SHISA9: variants seen among roughly 807,000 people sequenced by gnomAD.
The protein encoded by SHISA9 is protein shisa-9.
Under a neutral mutation model 38.0 loss-of-function variants are expected in SHISA9, and 13 were observed. The observed-to-expected ratio is 0.34, with a 90% CI of 0.22 to 0.54. The LOEUF (loss-of-function observed/expected upper bound fraction) is 0.54. Among genes scored for constraint, SHISA9 ranks in the 20% least tolerant of loss-of-function variants. SHISA9 has a pLI of 0.91. For synonymous variants in SHISA9, 275 were observed against 242.0 expected, an observed-to-expected ratio of 1.14 and a Z score of -1.27; for missense variants, 538 against 575.8, an observed-to-expected ratio of 0.93 and a Z score of 0.67.
the SHISA9 span, among the ~76,000 whole-genome samples, chr16:13,390,866 C>T: frequency 6.6e-6 from 1 of 152,154 alleles, no homozygotes; most frequent in Admixed American, 6.5e-5. Flanking sequence ...CTTCTCATAT[C>T]TTTCACAAGA....
At position 12,948,909 on chromosome 16, in the gene SHISA9, A is replaced by G. The variant is rs1412210022; in HGVS notation, c.691+32094A>G. Among the ~76,000 whole-genome samples the G allele has an allele frequency of 2.0e-5, 3 of 152,234 alleles. No homozygotes were observed. The East Asian group carries it at 5.8e-4, about 29-fold the overall frequency. The stretch of plus-strand genomic sequence containing the variant: ...TCCCAATAAACCAACATTATGCCAT[A>G]AGCATTTAAATATTATATACCTTTG... On this transcript the variant is annotated intron_variant, in intron 2 of 4. Transcript: ENST00000558583.
At chr16:13,484,867 C>T in the SHISA9 span, among the ~76,000 whole-genome samples, 283 of 152,278 alleles carry the variant, frequency 1.9e-3, no homozygotes, top group African/African-American at 6.4e-3. Context: ...CGTCCACTCC[C>T]ATGATCCAAT....
chr16:13,285,755 T>A, the SHISA9 span, among the ~76,000 whole-genome samples: 13 of 152,130 alleles, frequency 8.5e-5, no homozygotes, highest in Non-Finnish European at 1.5e-4. Context: ...TAATTACTTA[T>A]CCTGCTGACA....
chr16:13,112,526 C>T (rs1421545845), intron 2 of SHISA9, among the ~76,000 whole-genome samples: 1 of 152,130 alleles, frequency 6.6e-6, no homozygotes, highest in Non-Finnish European at 1.5e-5. Flanking sequence ...GGACCCCACG[C>T]CACAGCTACT....
At chr16:13,196,188 G>C (rs1192802298) in intron 2 of SHISA9, among the ~76,000 whole-genome samples, 1 of 150,480 alleles carries the variant, frequency 6.6e-6, no homozygotes, top group Non-Finnish European at 1.5e-5. Context: ...ACGAGGTCAG[G>C]AGATTGAGAC....
the SHISA9 span, among the ~76,000 whole-genome samples, chr16:13,288,497 G>T: frequency 7.9e-5 from 12 of 152,024 alleles, no homozygotes; most frequent in Admixed American, 7.9e-4. Flanking sequence ...CAGAGAGAGA[G>T]ATCAAGATCT....
chr16:13,486,720 T>C, the SHISA9 span, among the ~76,000 whole-genome samples: 1 of 152,222 alleles, frequency 6.6e-6, no homozygotes, highest in Non-Finnish European at 1.5e-5. Context: ...TTTATTTTCT[T>C]TGAGATGGAT....
At chr16:13,459,966 G>A in the SHISA9 span, among the ~76,000 whole-genome samples, 12 of 152,108 alleles carry the variant, frequency 7.9e-5, no homozygotes, top group African/African-American at 2.7e-4. Context: ...AGAGTGCAGT[G>A]GCATGATCTC....
the SHISA9 span, among the ~76,000 whole-genome samples, chr16:13,309,169 A>C: frequency 4.6e-5 from 7 of 152,022 alleles, no homozygotes; most frequent in Non-Finnish European, 1.5e-5. Context: ...CTTAATAAAT[A>C]GTTAATATGC....
chr16:13,387,349 G>C, the SHISA9 span, among the ~76,000 whole-genome samples: 1 of 152,134 alleles, frequency 6.6e-6, no homozygotes, highest in Non-Finnish European at 1.5e-5. Flanking sequence ...ATCAGAAGAG[G>C]GAAATTTGGA....
At chr16:13,414,974 G>A in the SHISA9 span, among the ~76,000 whole-genome samples, 1 of 152,160 alleles carries the variant, frequency 6.6e-6, no homozygotes, top group Non-Finnish European at 1.5e-5. Flanking sequence ...GCAATGTACA[G>A]AAAATGGAAG....
the SHISA9 span, among the ~76,000 whole-genome samples, chr16:13,493,424 G>A: frequency 6.6e-6 from 1 of 152,182 alleles, no homozygotes; most frequent in Non-Finnish European, 1.5e-5. Context: ...TTCCCGTGAA[G>A]AATTCACTCT....
At chr16:13,083,512 G>A (rs2073677249) in intron 2 of SHISA9, among the ~76,000 whole-genome samples, 1 of 152,186 alleles carries the variant, frequency 6.6e-6, no homozygotes, top group Non-Finnish European at 1.5e-5. Flanking sequence ...ATTGTGCAGG[G>A]CAAGGAACTC....
intron 2 of SHISA9, among the ~76,000 whole-genome samples, chr16:13,107,238 C>T (rs2073934463): frequency 6.6e-6 from 1 of 151,896 alleles, no homozygotes; most frequent in African/African-American, 2.4e-5. Flanking sequence ...TCAAGACCAG[C>T]CTGGCCAACA....
intron 4 of SHISA9, among the ~76,000 whole-genome samples, chr16:13,218,583 G>T (rs996205319): frequency 2.6e-5 from 4 of 152,326 alleles, no homozygotes; most frequent in Non-Finnish European, 5.9e-5. Context: ...AGAGTAATTT[G>T]TCAGCCAAAT....
the SHISA9 span, among the ~76,000 whole-genome samples, chr16:13,351,857 A>G: frequency 6.6e-6 from 1 of 152,232 alleles, no homozygotes; most frequent in Admixed American, 6.5e-5. Context: ...AAGAAACATG[A>G]GATCAAACAC....
intron 2 of SHISA9, among the ~76,000 whole-genome samples, chr16:13,025,333 G>A (rs1281694752): frequency 2.0e-5 from 3 of 152,202 alleles, no homozygotes; most frequent in Non-Finnish European, 2.9e-5. Flanking sequence ...CAGACCTGCT[G>A]AATTAGAGAC....
the SHISA9 span, among the ~76,000 whole-genome samples, chr16:13,515,444 T>C: frequency 1.3e-5 from 2 of 152,184 alleles, no homozygotes; most frequent in Non-Finnish European, 2.9e-5. Flanking sequence ...ATTGACATTT[T>C]AAAGCAAAGC....
At chr16:13,216,260 A>T (rs933233584) in intron 4 of SHISA9, among the ~76,000 whole-genome samples, 2 of 151,938 alleles carry the variant, frequency 1.3e-5, no homozygotes, top group African/African-American at 4.8e-5. Flanking sequence ...ATGGGTTCCA[A>T]TACAGGCACC....
Sources: allele counts gnomAD v4.1 joint callset (sites outside exome capture counted in the v4.1 genomes callset), GRCh38; gene constraint gnomAD v4.1.1; transcripts MANE v1.5; gene names NCBI Gene and HGNC (gene_info 2026-07-23, HGNC 2026-07-21).